WDPCP: variants seen among roughly 807,000 people sequenced by gnomAD.
The protein encoded by WDPCP is WD repeat-containing and planar cell polarity effector protein fritz homolog.
In WDPCP, 71 loss-of-function variants were observed where a neutral mutation model predicts 93.1. The observed-to-expected ratio is 0.76, with a 90% CI of 0.63 to 0.93. The LOEUF (loss-of-function observed/expected upper bound fraction) is 0.93. Ranked by LOEUF, WDPCP falls within the 40% of genes least tolerant of loss-of-function variation. WDPCP has a pLI of 0.00. For synonymous variants in WDPCP, 315 were observed against 315.0 expected (o/e 1.00, Z 0.00); for missense variants, 844 against 887.4 (o/e 0.95, Z 0.62).
intron 14 of WDPCP, among the ~76,000 whole-genome samples, chr2:63,200,864 G>A (rs1675855178): frequency 6.6e-6 from 1 of 152,202 alleles, no homozygotes; most frequent in African/African-American, 2.4e-5. Flanking sequence ...GAGCTGGGAA[G>A]GGTAGTGGGG....
At chr2:63,494,182 T>C (rs1418556624) in intron 1 of WDPCP, among the ~76,000 whole-genome samples, 1 of 152,010 alleles carries the variant, frequency 6.6e-6, no homozygotes, top group African/African-American at 2.4e-5. Flanking sequence ...AGGGGCCCAA[T>C]CCTGCCTGAA....
intron 2 of WDPCP, among the ~76,000 whole-genome samples, chr2:63,686,687 T>A (rs775386007): frequency 3.9e-5 from 6 of 152,106 alleles, no homozygotes; most frequent in Non-Finnish European, 8.8e-5. Flanking sequence ...AGTACTATAG[T>A]AACCAAAACA....
intron 3 of WDPCP, among the ~76,000 whole-genome samples, chr2:63,486,963 C>A (rs938719244): frequency 1.3e-5 from 2 of 152,042 alleles, no homozygotes; most frequent in Non-Finnish European, 2.9e-5. Context: ...GCTGCTCACA[C>A]AAGCCCACTT....
intron 1 of WDPCP, among the ~76,000 whole-genome samples, chr2:63,818,580 T>C (rs966925492): frequency 3.9e-5 from 6 of 152,118 alleles, no homozygotes; most frequent in African/African-American, 1.4e-4. Context: ...ATAAAGAAAA[T>C]GTTTATGACC....
intron 2 of WDPCP, among the ~76,000 whole-genome samples, chr2:63,780,297 C>A (rs952507416): frequency 6.6e-6 from 1 of 152,120 alleles, no homozygotes; most frequent in African/African-American, 2.4e-5. Flanking sequence ...TGGTTCAACA[C>A]ATTTTAGTTT....
intron 17 of WDPCP, among the ~76,000 whole-genome samples, chr2:63,143,747 G>C (rs1490636847): frequency 6.6e-6 from 1 of 152,206 alleles, no homozygotes; most frequent in Non-Finnish European, 1.5e-5. Context: ...TGTTTTGTTT[G>C]AGGAGGCTGA....
At chr2:63,595,227 A>T (rs1468874342) in intron 3 of WDPCP, among the ~76,000 whole-genome samples, 1 of 152,200 alleles carries the variant, frequency 6.6e-6, no homozygotes, top group African/African-American at 2.4e-5. Context: ...CTGTTAGCAA[A>T]CCAATGCTGG....
At chr2:63,595,403 C>G (rs1709289347) in intron 3 of WDPCP, 2 of 1,449,008 alleles carry the variant, frequency 1.4e-6, no homozygotes, top group African/African-American at 2.8e-5. Context: ...CTAACAGATG[C>G]TGTCCTTGCT....
At chr2:63,151,636 A>G (rs1445554416) in intron 17 of WDPCP, among the ~76,000 whole-genome samples, 1 of 152,234 alleles carries the variant, frequency 6.6e-6, no homozygotes, top group Non-Finnish European at 1.5e-5. Flanking sequence ...ACAAATTCTT[A>G]GGCATGTATA....
At chr2:63,235,037 T>C (rs1371874436) in intron 14 of WDPCP, among the ~76,000 whole-genome samples, 2 of 151,958 alleles carry the variant, frequency 1.3e-5, no homozygotes, top group Non-Finnish European at 2.9e-5. Context: ...CCAAAAATAA[T>C]ATAAAGGATA....
At chr2:63,605,228 C>G in intron 3 of WDPCP, 1 of 1,213,486 alleles carries the variant, frequency 8.2e-7, no homozygotes, top group Non-Finnish European at 1.2e-6. Flanking sequence ...TTAATGAAAA[C>G]TTTGCTATCA....
chr2:63,225,583 T>G (rs565567857), intron 14 of WDPCP, among the ~76,000 whole-genome samples: 2 of 151,970 alleles, frequency 1.3e-5, no homozygotes, highest in Non-Finnish European at 2.9e-5. Context: ...CAGGATAATA[T>G]TTATAATAGC....
At chr2:63,436,738 A>T (rs996557772) in intron 8 of WDPCP, among the ~76,000 whole-genome samples, 2 of 152,098 alleles carry the variant, frequency 1.3e-5, no homozygotes, top group African/African-American at 4.8e-5. Context: ...CAGCCTGGAA[A>T]ATGTATTACT....
chr2:63,142,724 G>C (rs886327869), intron 17 of WDPCP, among the ~76,000 whole-genome samples: 3 of 152,104 alleles, frequency 2.0e-5, no homozygotes, highest in Non-Finnish European at 4.4e-5. Flanking sequence ...CAGTGGAGTA[G>C]TGTAGGTCTT....
the WDPCP span, among the ~76,000 whole-genome samples, chr2:63,833,631 T>C: frequency 2.0e-5 from 3 of 152,226 alleles, no homozygotes; most frequent in Non-Finnish European, 2.9e-5. Context: ...TAATCTAGAA[T>C]ATCATCTATA....
At chr2:63,559,043 G>A (rs1453175917) in intron 1 of WDPCP, among the ~76,000 whole-genome samples, 1 of 152,100 alleles carries the variant, frequency 6.6e-6, no homozygotes, top group Non-Finnish European at 1.5e-5. Context: ...ATAAAATACT[G>A]GCAAACCGAA....
chr2:63,357,909 T>C (rs953773482), intron 12 of WDPCP, among the ~76,000 whole-genome samples: 2 of 152,198 alleles, frequency 1.3e-5, no homozygotes, highest in African/African-American at 4.8e-5. Flanking sequence ...ATATACACCA[T>C]GGAATACTAT....
At chr2:63,186,880 G>GA (rs780621561) in intron 14 of WDPCP, among the ~76,000 whole-genome samples, 2 of 149,880 alleles carry the variant, frequency 1.3e-5, no homozygotes, top group East Asian at 1.9e-4. Flanking sequence ...CGCCTTGGGG[G>GA]AAAAAAAAGA....
intron 13 of WDPCP, among the ~76,000 whole-genome samples, chr2:63,281,321 T>A (rs557241324): frequency 1.3e-5 from 2 of 152,244 alleles, no homozygotes; most frequent in East Asian, 3.9e-4. Flanking sequence ...AATAAAAGAA[T>A]TTTTTAAAAA....
Sources: gnomAD v4.1 joint callset for allele counts (sites outside exome capture counted in the v4.1 genomes callset) on GRCh38, gnomAD v4.1.1 for gene constraint, MANE v1.5 for transcripts, NCBI Gene and HGNC (gene_info 2026-07-23, HGNC 2026-07-21) for gene names.